The following ANO3 variants were observed in gnomAD, a reference collection of about 807,000 sequenced individuals.
ANO3 encodes anoctamin 3, also known as anoctamin-3.
A neutral mutation model predicts 144.8 loss-of-function variants in ANO3; 99 were observed. That is an observed-to-expected ratio of 0.68 (90% CI 0.58 to 0.81). The LOEUF (loss-of-function observed/expected upper bound fraction) is 0.81, where lower values mean the gene tolerates loss of function less well. ANO3 is among the 30% of genes least tolerant of loss of function. ANO3 has a pLI of 0.00. For synonymous variants in ANO3, 414 were observed against 392.6 expected (o/e 1.05, Z -0.64); for missense variants, 905 against 1,202.2 (o/e 0.75, Z 3.66).
intron 1 of ANO3, among the ~76,000 whole-genome samples, chr11:26,266,415 T>C (rs930484407): frequency 1.3e-5 from 2 of 151,540 alleles, no homozygotes; most frequent in African/African-American, 4.9e-5. Flanking sequence ...TAAAAGTTAA[T>C]TCAAACAACA....
chr11:26,462,065 A>T (rs1859414490), intron 3 of ANO3, among the ~76,000 whole-genome samples: 1 of 152,088 alleles, frequency 6.6e-6, no homozygotes, highest in African/African-American at 2.4e-5. Flanking sequence ...CCATGATGTA[A>T]CATATTATGT....
intron 17 of ANO3, among the ~76,000 whole-genome samples, chr11:26,612,540 G>A (rs532908302): frequency 2.0e-4 from 30 of 149,312 alleles, no homozygotes; most frequent in Non-Finnish European, 4.3e-4. Flanking sequence ...ACATAGCACC[G>A]TTATTTCAAT....
chr11:26,535,542 G>A (rs1050590679), intron 9 of ANO3, among the ~76,000 whole-genome samples: 7 of 139,886 alleles, frequency 5.0e-5, no homozygotes, highest in Admixed American at 1.5e-4. Flanking sequence ...TGCTATATAG[G>A]TAAAATACAC....
chr11:26,411,723 C>A (rs963106060), intron 1 of ANO3, among the ~76,000 whole-genome samples: 67 of 80,964 alleles, frequency 8.3e-4, no homozygotes, highest in African/African-American at 2.4e-3. Flanking sequence ...ATGCAGAATC[C>A]ATCCATTTTT....
rs192870114 is a variant in ANO3, at chr11:26,522,430, G to C, written c.693-3205G>C. ...CATTGACTGTGTTGGACTCTGGCTG[G>C]AAACAGTGGTTGAGACAATCATTTA... On this transcript the variant is annotated intron_variant, in intron 6 of 26. Transcript: ENST00000256737. 1.5e-3 allele frequency among the ~76,000 whole-genome samples: 229 copies of C among 152,282 alleles called. 5 individuals are homozygous for C. In the South Asian group the frequency reaches 0.025, roughly 16 times the overall value.
chr11:26,404,754 C>A (rs2133978370), intron 1 of ANO3, among the ~76,000 whole-genome samples: 1 of 151,606 alleles, frequency 6.6e-6, no homozygotes, highest in Non-Finnish European at 1.5e-5. Flanking sequence ...AGATAAAAAT[C>A]TATGTGGAGA....
At chr11:26,196,632 T>C (rs975074498) in intron 1 of ANO3, among the ~76,000 whole-genome samples, 2 of 152,192 alleles carry the variant, frequency 1.3e-5, no homozygotes, top group Non-Finnish European at 2.9e-5. Context: ...TTTTTTCATC[T>C]TGTTTGGCTT....
chr11:26,511,720 G>A (rs746990032), intron 5 of ANO3, among the ~76,000 whole-genome samples: 54 of 152,210 alleles, frequency 3.5e-4, no homozygotes, highest in Non-Finnish European at 6.2e-4. Context: ...TTTGAATTGA[G>A]ATTTGAAAAA....
intron 1 of ANO3, among the ~76,000 whole-genome samples, chr11:26,340,044 G>A (rs368900047): frequency 1.3e-5 from 2 of 152,116 alleles, no homozygotes; most frequent in African/African-American, 2.4e-5. Context: ...GGGTAAAACT[G>A]GATTGCCTGA....
At chr11:26,504,341 T>A (rs1861327446) in intron 4 of ANO3, among the ~76,000 whole-genome samples, 1 of 152,172 alleles carries the variant, frequency 6.6e-6, no homozygotes, top group Admixed American at 6.5e-5. Context: ...TTCTCTTCCT[T>A]TCTTCCTTCT....
At chr11:26,195,698 T>G (rs182668040) in intron 1 of ANO3, among the ~76,000 whole-genome samples, 1 of 152,234 alleles carries the variant, frequency 6.6e-6, no homozygotes, top group Non-Finnish European at 1.5e-5. Context: ...CCTATAATTC[T>G]CTATATCCTG....
At chr11:26,643,940 G>A (rs1449620941) in intron 23 of ANO3, among the ~76,000 whole-genome samples, 1 of 152,196 alleles carries the variant, frequency 6.6e-6, no homozygotes, top group Non-Finnish European at 1.5e-5. Flanking sequence ...CATTTTGGAA[G>A]CTGGAAGCAA....
chr11:26,462,322 A>G (rs1859427642), intron 3 of ANO3, among the ~76,000 whole-genome samples: 1 of 151,924 alleles, frequency 6.6e-6, no homozygotes, highest in African/African-American at 2.4e-5. Context: ...TGGAATATAA[A>G]TTTAGTGAAG....
At chr11:26,648,564 A>G (rs1853423670) in intron 24 of ANO3, among the ~76,000 whole-genome samples, 1 of 151,614 alleles carries the variant, frequency 6.6e-6, no homozygotes, top group Admixed American at 6.6e-5. Flanking sequence ...TGGCAACCAT[A>G]ATTATCTCTG....
intron 1 of ANO3, among the ~76,000 whole-genome samples, chr11:26,327,055 C>G (rs772300225): frequency 3.3e-5 from 5 of 152,116 alleles, no homozygotes; most frequent in African/African-American, 1.2e-4. Flanking sequence ...CAGACTTGTA[C>G]GTAAATTTCA....
chr11:26,218,210 T>C (rs1329612902), intron 1 of ANO3, among the ~76,000 whole-genome samples: 1 of 152,132 alleles, frequency 6.6e-6, no homozygotes, highest in Non-Finnish European at 1.5e-5. Flanking sequence ...GATTAGATCA[T>C]GGCCCCCTAT....
Position 26,656,222 on chromosome 11 carries a change from T to C in ANO3, c.2657+17T>C, listed in dbSNP as rs372843671. 38 of 1,599,580 alleles carry C rather than the reference T, an allele frequency of 2.4e-5. No individual in the cohort carries two copies. The highest frequency in any genetic ancestry group is 2.9e-5 in the Non-Finnish European group (34 of 1,167,318). On this transcript the variant is annotated intron_variant, in intron 25 of 26. Coordinates refer to ENST00000256737, the MANE Select transcript of ANO3 (RefSeq NM_031418.4). ...TTATTGCAGGTACTTATAATAGTTA[T>C]CTTTCCTGCTTGCTTTCACCATTCC...
intron 3 of ANO3, among the ~76,000 whole-genome samples, chr11:26,453,610 G>C (rs950121477): frequency 2.0e-5 from 3 of 151,978 alleles, no homozygotes; most frequent in African/African-American, 7.3e-5. Flanking sequence ...AAGAGACTTA[G>C]ACTCCCACAC....
Position 26,437,423 on chromosome 11 carries a change from T to G in ANO3, c.47-4495T>G, listed in dbSNP as rs112627274. On this transcript the variant is annotated intron_variant, in intron 1 of 26. Coordinates refer to ENST00000256737, the MANE Select transcript of ANO3 (RefSeq NM_031418.4). ...AAGAGTGGGTCCCCAAGGTCACACA[T>G]TCACTCACTGCTTCCCTGAGAGTAG... Among the ~76,000 whole-genome samples the G allele has an allele frequency of 2.1e-3, 316 of 152,304 alleles. 1 individual carries two copies. The highest frequency in any genetic ancestry group is 3.8e-3 in the Non-Finnish European group (257 of 68,024).
Sources: gnomAD v4.1 joint callset for allele counts (sites outside exome capture counted in the v4.1 genomes callset) on GRCh38, gnomAD v4.1.1 for gene constraint, MANE v1.5 for transcripts, NCBI Gene and HGNC (gene_info 2026-07-23, HGNC 2026-07-21) for gene names.